Variants in LRRC15 observed in about 807,000 individuals in gnomAD.
LRRC15 encodes the protein leucine-rich repeat-containing protein 15.
LRRC15 carries 5 observed loss-of-function variants against 4.3 expected under a neutral mutation model. That is an observed-to-expected ratio of 1.16 (90% CI 0.61 to 2.44). LRRC15 has a LOEUF of 2.44. Ranked by LOEUF, LRRC15 falls within the 30% of genes most tolerant of loss-of-function variation. LRRC15 has a pLI of 0.01. For synonymous variants in LRRC15, 337 were observed against 323.2 expected, an observed-to-expected ratio of 1.04 and a Z score of -0.46; for missense variants, 769 against 747.0, an observed-to-expected ratio of 1.03 and a Z score of -0.34.
rs375750746 is a variant in LRRC15 at position 194,363,298 on chromosome 3, A to G, written c.-3-2252T>C. ...GGAAGCCCTGACCTGCTATACTTTT[A>G]CATTAAGAACTTGACTAAGCATATA... is the stretch of plus-strand genomic sequence containing the variant. On this transcript the variant is annotated intron_variant, in intron 1 of 1. Transcript: ENST00000347624. 8 of 681,518 alleles carry G rather than the reference A, an allele frequency of 1.2e-5. No individual in the cohort carries two copies. In the African/African-American group the frequency reaches 1.3e-4, roughly 11 times the overall value. The allele number at this position is 681,518 out of a possible 1,614,324, so 42.2% of individuals were successfully genotyped here.
intron 1 of LRRC15, among the ~76,000 whole-genome samples, chr3:194,361,398 T>C (rs1713625072): frequency 6.6e-6 from 1 of 150,916 alleles, no homozygotes; most frequent in African/African-American, 2.5e-5. Context: ...GTCTCCATCA[T>C]TGGCCACGGT....
intron 1 of LRRC15, among the ~76,000 whole-genome samples, chr3:194,362,486 T>C (rs1223012592): frequency 6.6e-6 from 1 of 152,168 alleles, no homozygotes; most frequent in Non-Finnish European, 1.5e-5. Flanking sequence ...TTTCTGTGTA[T>C]ATGTGAGAGT....
chr3:194,367,552 C>T (rs938105953), intron 1 of LRRC15, among the ~76,000 whole-genome samples: 13 of 152,290 alleles, frequency 8.5e-5, no homozygotes, highest in Non-Finnish European at 1.2e-4. Context: ...ATGATCCTCC[C>T]GCCTCGGCCT....
At chr3:194,363,593 T>C (rs1713697701) in intron 1 of LRRC15, among the ~76,000 whole-genome samples, 1 of 152,164 alleles carries the variant, frequency 6.6e-6, no homozygotes, top group Non-Finnish European at 1.5e-5. Flanking sequence ...TAGTGTGGTC[T>C]GAGACTGGAT....
intron 1 of LRRC15, among the ~76,000 whole-genome samples, chr3:194,364,000 A>C (rs188198737): frequency 6.6e-5 from 10 of 152,246 alleles, no homozygotes; most frequent in African/African-American, 2.4e-4. Flanking sequence ...CGGGTGCAGA[A>C]GTTATAGAGT....
chr3:194,361,532 A>G (rs758744649), intron 1 of LRRC15, among the ~76,000 whole-genome samples: 1 of 152,066 alleles, frequency 6.6e-6, no homozygotes, highest in Non-Finnish European at 1.5e-5. Flanking sequence ...TATCTTATCC[A>G]TCTCTGTATC....
chr3:194,356,232 A>T lies in LRRC15; in HGVS notation c.*3066T>A, dbSNP rs1419234131. The T allele has an allele frequency of 6.6e-6, 1 of 152,236 alleles. No homozygotes were observed. Among genetic ancestry groups the T allele is most frequent in the Non-Finnish European group, 1.5e-5 (1 of 68,046 alleles). 9.4% of individuals were successfully genotyped at this position (152,236 alleles called of 1,614,324 possible). ...GAGAATCCACGTCCAGTGCTTGAAG[A>T]GTATCTGTGCACAGTAAGCACTTTT... On this transcript the variant is annotated 3_prime_UTR_variant, in exon 2 of 2. Coordinates refer to ENST00000347624, the MANE Select transcript of LRRC15 (RefSeq NM_130830.5).
chr3:194,360,041 C>T lies in LRRC15; in HGVS notation c.1003G>A (p.Gly335Ser), dbSNP rs746721637. 3.0e-5 allele frequency: 49 copies of T among 1,614,044 alleles called. No individual in the cohort carries two copies. Among genetic ancestry groups the T allele is most frequent in the Non-Finnish European group, 3.5e-5 (41 of 1,180,056 alleles). The change falls in exon 2 of 2, where the codon GGT becomes AGT. Residue 335 changes from glycine to serine, a missense_variant. Gly to Ser is a moderately conservative substitution (Grantham distance 56). Transcript: ENST00000347624. ...SRNQISFISP[G>S]AFNGLTELRE... ...AGCTCCGTTAGCCCGTTGAAGGCACCCGGGGAGATGAAGCTGATCTGATTG... is the reference window on the plus strand; with the variant it reads ...AGCTCCGTTAGCCCGTTGAAGGCACTCGGGGAGATGAAGCTGATCTGATTG...
chr3:194,359,643 G>A lies in LRRC15; in HGVS notation c.1401C>T (p.Ile467=), dbSNP rs752942272. Residue 467 remains isoleucine (I), a synonymous_variant, in exon 2 of 2, where the codon ATC becomes ATT. Transcript: ENST00000347624. ...ANVRGQSLII[I]NVNVAVPSVH... ...CGCTTGGAACAGCAACGTTGACATT[G>A]ATGATAATGAGGGACTGGCCTCGGA... 9.9e-6 allele frequency: 16 copies of A among 1,613,952 alleles called. No individual in the cohort carries two copies. The highest frequency in any genetic ancestry group is 1.2e-5 in the Non-Finnish European group (14 of 1,180,002).
intron 1 of LRRC15, among the ~76,000 whole-genome samples, chr3:194,365,417 C>T (rs1713749086): frequency 6.6e-6 from 1 of 152,164 alleles, no homozygotes; most frequent in African/African-American, 2.4e-5. Flanking sequence ...GGTTTAATAC[C>T]ATCGTTCACA....
chr3:194,361,429 G>C (rs995082764), intron 1 of LRRC15, among the ~76,000 whole-genome samples: 1 of 102,448 alleles, frequency 9.8e-6, no homozygotes, highest in African/African-American at 6.1e-5. Flanking sequence ...GTCATTCACT[G>C]TGTCCCCTGT....
chr3:194,360,186 C>G lies in LRRC15; in HGVS notation c.858G>C (p.Pro286=). Residue 286 remains proline, a synonymous_variant, in exon 2 of 2, where the codon CCG becomes CCC. Transcript: ENST00000347624. ...LFGNSLKELS[P]GIFGPMPNLR... is the part of the protein sequence containing the mutation. ...GGTTGGGCATGGGCCCGAAGATCCC[C>G]GGAGAGAGCTCCTTCAGGGAATTCC... The G allele has an allele frequency of 6.2e-7, 1 of 1,613,840 alleles. No individual in the cohort carries two copies. The highest frequency in any genetic ancestry group is 1.1e-5 in the South Asian group (1 of 91,064).
rs1332716488 is a variant in LRRC15 at position 194,356,657 on chromosome 3, G to T, written c.*2641C>A. The T allele has an allele frequency of 6.6e-6, 1 of 152,318 alleles. No homozygotes were observed. The highest frequency in any genetic ancestry group is 1.9e-4 in the East Asian group (1 of 5,196). The allele number at this position is 152,318 out of a possible 1,614,324, so 9.4% of individuals were successfully genotyped here. A position where few individuals can be genotyped will look rare whatever the true frequency, so the allele number is the denominator to read the frequency against. ...CTGGGTGGTGTCATCTGAGGACAGT[G>T]GCCCTCAGGTCAGCCTCTGGCTGGA... On this transcript the variant is annotated 3_prime_UTR_variant, in exon 2 of 2. Coordinates refer to ENST00000347624, the MANE Select transcript of LRRC15 (RefSeq NM_130830.5).
In LRRC15 at chr3:194,360,493, C is replaced by T. The variant is rs200136252; in HGVS notation, c.551G>A (p.Ser184Asn). The stretch of plus-strand genomic sequence containing the variant: ...GACCCTGGGTGAGATGTGGGTGAGG[C>T]TATTCTTGCCCAGATTGAGCTTCGT... ...GLTKLNLGKNSLTHISPRVFQ... is the reference protein window; with the variant it reads ...GLTKLNLGKNNLTHISPRVFQ... Residue 184 changes from serine to asparagine, a missense_variant, in exon 2 of 2, where the codon AGC becomes AAC. Ser to Asn is a conservative substitution (Grantham distance 46). Coordinates refer to ENST00000347624, the MANE Select transcript of LRRC15 (RefSeq NM_130830.5). 1.3e-5 allele frequency: 21 copies of T among 1,614,106 alleles called. No individual in the cohort carries two copies. The East Asian group carries it at 4.7e-4, about 36-fold the overall frequency.
chr3:194,369,396 C>G (rs1440149775), intron 1 of LRRC15, among the ~76,000 whole-genome samples: 2 of 152,240 alleles, frequency 1.3e-5, no homozygotes, highest in African/African-American at 4.8e-5. Flanking sequence ...AGGTTGACAT[C>G]ATGAGCCGCT....
At chr3:194,363,368 C>T in intron 1 of LRRC15, 2 of 714,336 alleles carry the variant, frequency 2.8e-6, no homozygotes, top group Non-Finnish European at 2.6e-6. Flanking sequence ...TGTCCAAAGG[C>T]ATCTAGATGC....
At position 194,355,491 on chromosome 3, in the gene LRRC15, C is replaced by T. The variant is rs180847521; in HGVS notation, c.*3807G>A. On this transcript the variant is annotated 3_prime_UTR_variant, in exon 2 of 2. Coordinates refer to ENST00000347624, the MANE Select transcript of LRRC15 (RefSeq NM_130830.5). ...AGCGGGTTGGTGAGAACAATCTCTC[C>T]TTAAGAGAAGAAGAAACCTGGGGCG... 5.9e-5 allele frequency: 9 copies of T among 152,366 alleles called. No individual in the cohort carries two copies. Among genetic ancestry groups the T allele is most frequent in the African/African-American group, 2.2e-4 (9 of 41,582 alleles). 9.4% of individuals were successfully genotyped at this position (152,366 alleles called of 1,614,324 possible).
chr3:194,357,899 A>C lies in LRRC15; in HGVS notation c.*1399T>G, dbSNP rs1038063618. 2 of 152,252 alleles carry C rather than the reference A, an allele frequency of 1.3e-5. No individual in the cohort carries two copies. Among genetic ancestry groups the C allele is most frequent in the African/African-American group, 4.8e-5 (2 of 41,466 alleles). 9.4% of individuals were successfully genotyped at this position (152,252 alleles called of 1,614,324 possible). On this transcript the variant is annotated 3_prime_UTR_variant, in exon 2 of 2. Transcript: ENST00000347624. ...AATTAAAAACAGATACAGGCATATC[A>C]CGTCCATAGAAGGCTCCAGGCGGAG...
In LRRC15 at chr3:194,360,220, G is replaced by A. The variant is rs772707424; in HGVS notation, c.824C>T (p.Thr275Ile). 2 of 1,613,868 alleles carry A rather than the reference G, an allele frequency of 1.2e-6. No individual in the cohort carries two copies. Among genetic ancestry groups the A allele is most frequent in the East Asian group, 4.5e-5 (2 of 44,888 alleles). Residue 275 changes from threonine to isoleucine, a missense_variant, in exon 2 of 2, where the codon ACT becomes ATT. Physicochemically the swap from Thr to Ile is moderately conservative, Grantham distance 89 (BLOSUM62 -1). Transcript: ENST00000347624. The stretch of plus-strand genomic sequence containing the variant: ...CTCCTTCAGGGAATTCCCAAAGAGA[G>A]TAAGACGGTTGAGCTGGGGCAGCTG... ...FMQLPQLNRL[T>I]LFGNSLKELS... is the part of the protein sequence containing the mutation.
Sources: allele counts gnomAD v4.1 joint callset (sites outside exome capture counted in the v4.1 genomes callset), GRCh38; gene constraint gnomAD v4.1.1; transcripts MANE v1.5; gene names NCBI Gene and HGNC (gene_info 2026-07-23, HGNC 2026-07-21).